CAGE1: variants seen among roughly 807,000 people sequenced by gnomAD.
CAGE1 encodes cancer-associated gene 1 protein.
A neutral mutation model predicts 94.9 loss-of-function variants in CAGE1; 66 were observed. The observed-to-expected ratio is 0.70, with a 90% CI of 0.57 to 0.85. The LOEUF is 0.85. CAGE1 is among the 40% of genes least tolerant of loss of function. The pLI is 0.00. For synonymous variants in CAGE1, 319 were observed against 321.0 expected, an observed-to-expected ratio of 0.99 and a Z score of 0.07; for missense variants, 865 against 950.4, an observed-to-expected ratio of 0.91 and a Z score of 1.18.
intron 11 of CAGE1, among the ~76,000 whole-genome samples, chr6:7,345,249 A>T (rs938496747): frequency 2.0e-5 from 3 of 152,010 alleles, no homozygotes; most frequent in Non-Finnish European, 2.9e-5. Flanking sequence ...AGAAGGAACA[A>T]CTCCAGACAC....
chr6:7,333,638 C>CTATATATATATA (rs1257307194), intron 12 of CAGE1, among the ~76,000 whole-genome samples: 4 of 32,688 alleles, frequency 1.2e-4, no homozygotes, highest in Non-Finnish European at 2.0e-4. Flanking sequence ...ATCTATCTAA[C>CTATATATATATA]TATCTATATA....
chr6:7,347,701 C>A (rs996267646), intron 11 of CAGE1, among the ~76,000 whole-genome samples: 15 of 152,082 alleles, frequency 9.9e-5, no homozygotes, highest in African/African-American at 3.6e-4. Context: ...CCCTGCTCAC[C>A]CACTGCCTGG....
Position 7,373,174 on chromosome 6 carries a change from G to C in CAGE1, c.1645C>G (p.Gln549Glu). 6.2e-7 allele frequency: 1 copy of C among 1,613,752 alleles called. No homozygotes were observed. Among genetic ancestry groups the C allele is most frequent in the Non-Finnish European group, 8.5e-7 (1 of 1,179,824 alleles). Residue 549 changes from glutamine (Q) to glutamate (E), a missense_variant, in exon 5 of 14, where the codon CAG becomes GAG. Gln to Glu is a conservative substitution (Grantham distance 29). Coordinates refer to ENST00000502583, the MANE Select transcript of CAGE1 (RefSeq NM_001170692.2). ...EVKNENAKLK[Q>E]QVARSEEQNY... The stretch of plus-strand genomic sequence containing the variant: ...TGCTCTTCACTCCTTGCAACCTGCT[G>C]TTTAAGTTTTGCATTCTCATTTTTT...
At position 7,373,631 on chromosome 6, in the gene CAGE1, A is replaced by G. The variant is rs1225124783; in HGVS notation, c.1188T>C (p.Leu396=). The G allele has an allele frequency of 6.2e-7, 1 of 1,613,478 alleles. No individual in the cohort carries two copies. The highest frequency in any genetic ancestry group is 1.1e-5 in the South Asian group (1 of 91,070). Residue 396 remains leucine (L), a synonymous_variant, in exon 5 of 14, where the codon CTT becomes CTC. Transcript: ENST00000502583. The part of the protein sequence containing the change: ...EEVLANTQKH[L]QESRNDKEML... Reference sequence around the variant, plus strand: ...TTTCCTTGTCATTCCTGGATTCCTGAAGATGTTTTTGCGTGTTAGCTAAAA... The same window carrying G: ...TTTCCTTGTCATTCCTGGATTCCTGGAGATGTTTTTGCGTGTTAGCTAAAA...
chr6:7,369,045 T>C (rs1760452835), intron 6 of CAGE1, among the ~76,000 whole-genome samples: 1 of 151,560 alleles, frequency 6.6e-6, no homozygotes, highest in South Asian at 2.1e-4. Context: ...GTTTTGCTCT[T>C]TCACCTAGGC....
chr6:7,383,532 T>G (rs576446115), intron 3 of CAGE1, among the ~76,000 whole-genome samples: 171 of 152,346 alleles, frequency 1.1e-3, no homozygotes, highest in Non-Finnish European at 2.2e-3. Flanking sequence ...ACTTTTGGAC[T>G]TTGTCTTTTA....
At chr6:7,385,927 A>G in intron 2 of CAGE1, 55 bp from the exon 3 acceptor site, 1 of 941,456 alleles carries the variant, frequency 1.1e-6, no homozygotes, top group Non-Finnish European at 1.6e-6. Flanking sequence ...AGCTTCTTCT[A>G]AAGGTATTTG....
chr6:7,385,875 G>C lies in CAGE1; in HGVS notation c.196-3C>G, dbSNP rs748081537. On this transcript the variant is annotated splice_polypyrimidine_tract_variant and splice_region_variant and intron_variant, in intron 2 of 13. Coordinates refer to ENST00000502583, the MANE Select transcript of CAGE1 (RefSeq NM_001170692.2). ...CTTTCAAAATTCTTTATTTCGTTCT[G>C]TATTAATAAAAAAGGCATCAATACT... 6.7e-7 allele frequency: 1 copy of C among 1,495,494 alleles called. No homozygotes were observed. The highest frequency in any genetic ancestry group is 1.3e-5 in the South Asian group (1 of 77,972). The allele number at this position is 1,495,494 out of a possible 1,614,324, so 92.6% of individuals were successfully genotyped here. A position where few individuals can be genotyped will look rare whatever the true frequency, so the allele number is the denominator to read the frequency against.
chr6:7,333,730 A>G (rs922805420), intron 12 of CAGE1, among the ~76,000 whole-genome samples: 8 of 148,562 alleles, frequency 5.4e-5, no homozygotes, highest in African/African-American at 2.0e-4. Flanking sequence ...GTGCAGTGGC[A>G]CGATCTCGGC....
rs1200973807 is a variant in CAGE1 at position 7,356,028 on chromosome 6, C to T, written c.2295G>A (p.Lys765=). 10 of 1,517,232 alleles carry T rather than the reference C, an allele frequency of 6.6e-6. No individual in the cohort carries two copies. Among genetic ancestry groups the T allele is most frequent in the South Asian group, 2.4e-5 (2 of 83,262 alleles). 94.0% of individuals were successfully genotyped at this position (1,517,232 alleles called of 1,614,324 possible). A position where few individuals can be genotyped will look rare whatever the true frequency, so the allele number is the denominator to read the frequency against. ...KYQRHLGNLI[K]KVTSYEEIIE... is the part of the protein sequence containing the mutation. The stretch of plus-strand genomic sequence containing the variant: ...CAAAAGAAAAAAAAATGTCTACCTT[C>T]TTTATTAAGTTGCCTAAATGTCTTT... Residue 765 remains lysine (K), a synonymous_variant, in exon 10 of 14, where the codon AAG becomes AAA. Coordinates refer to ENST00000502583, the MANE Select transcript of CAGE1 (RefSeq NM_001170692.2).
intron 12 of CAGE1, among the ~76,000 whole-genome samples, chr6:7,331,099 C>G (rs1462169857): frequency 6.6e-6 from 1 of 152,146 alleles, no homozygotes; most frequent in Non-Finnish European, 1.5e-5. Flanking sequence ...CTTGCAAATG[C>G]TAGTTTAAAT....
At chr6:7,379,666 C>T (rs1443754804) in intron 3 of CAGE1, among the ~76,000 whole-genome samples, 1 of 152,182 alleles carries the variant, frequency 6.6e-6, no homozygotes, top group Non-Finnish European at 1.5e-5. Flanking sequence ...AACTTTCCTC[C>T]TCCCCAGAGA....
chr6:7,359,133 T>A (rs1333739578), intron 9 of CAGE1, among the ~76,000 whole-genome samples: 3 of 152,004 alleles, frequency 2.0e-5, no homozygotes, highest in Non-Finnish European at 4.4e-5. Flanking sequence ...TGCAACCTCC[T>A]CCTCCCAGGT....
At chr6:7,365,331 T>G (rs775318238) in intron 9 of CAGE1, 137 bp downstream of exon 9, 1 of 636,994 alleles carries the variant, frequency 1.6e-6, no homozygotes, top group Admixed American at 3.0e-5. Context: ...TTATTGTGGG[T>G]AAATAATAAT....
chr6:7,372,487 T>G (rs200430773), intron 5 of CAGE1, among the ~76,000 whole-genome samples: 6 of 113,012 alleles, frequency 5.3e-5, no homozygotes, highest in African/African-American at 2.4e-4. Context: ...AAAAAAAAAG[T>G]AACTGCTGGA....
intron 13 of CAGE1, among the ~76,000 whole-genome samples, 161 bp from the exon 14 acceptor site, chr6:7,327,060 T>C (rs1278753628): frequency 6.6e-6 from 1 of 152,114 alleles, no homozygotes; most frequent in African/African-American, 2.4e-5. Flanking sequence ...TATATTTTGT[T>C]TGTTTGTTTT....
chr6:7,340,115 G>C (rs764046065), intron 11 of CAGE1, among the ~76,000 whole-genome samples: 1 of 152,172 alleles, frequency 6.6e-6, no homozygotes, highest in Non-Finnish European at 1.5e-5. Context: ...GGTCATTCTT[G>C]CAGGAGTAAG....
intron 11 of CAGE1, among the ~76,000 whole-genome samples, chr6:7,340,080 T>A (rs914890657): frequency 1.1e-4 from 17 of 152,244 alleles, no homozygotes; most frequent in African/African-American, 3.9e-4. Context: ...TGACAACATC[T>A]GTTATTTTTT....
At chr6:7,383,096 A>G (rs1160375053) in intron 3 of CAGE1, among the ~76,000 whole-genome samples, 2 of 152,082 alleles carry the variant, frequency 1.3e-5, no homozygotes, top group Non-Finnish European at 2.9e-5. Context: ...TTGAGTTCTC[A>G]CAAGATCTGA....
Sources: gnomAD v4.1 joint callset for allele counts (sites outside exome capture counted in the v4.1 genomes callset) on GRCh38, gnomAD v4.1.1 for gene constraint, MANE v1.5 for transcripts, NCBI Gene and HGNC (gene_info 2026-07-23, HGNC 2026-07-21) for gene names.